Variants in TUSC3 observed in about 807,000 individuals in gnomAD.
TUSC3 encodes the protein dolichyl-diphosphooligosaccharide--protein glycosyltransferase subunit TUSC3.
A neutral mutation model predicts 44.8 loss-of-function variants in TUSC3; 45 were observed. That is an observed-to-expected ratio of 1.00 (90% confidence interval 0.79 to 1.29). TUSC3 has a LOEUF of 1.29. TUSC3 is among the 50% of genes most tolerant of loss of function. The pLI, the probability that TUSC3 is intolerant of heterozygous loss-of-function variation, is 0.00. For missense variants in TUSC3, 519 were observed against 437.9 expected (o/e 1.19, Z -1.65); for synonymous variants, 212 against 152.9 (o/e 1.39, Z -2.85).
intron 1 of TUSC3, among the ~76,000 whole-genome samples, chr8:15,453,600 C>G (rs1462603221): frequency 6.6e-6 from 1 of 151,956 alleles, no homozygotes; most frequent in Non-Finnish European, 1.5e-5. Context: ...TCAACAAATG[C>G]ATAAATGCAT....
At chr8:15,610,341 T>C (rs375937619) in intron 1 of TUSC3, among the ~76,000 whole-genome samples, 1 of 152,186 alleles carries the variant, frequency 6.6e-6, no homozygotes, top group East Asian at 1.9e-4. Context: ...AACATTAGAA[T>C]TCTTAAAATT....
intron 1 of TUSC3, among the ~76,000 whole-genome samples, chr8:15,570,954 G>GTTTCTTTTTTTTTTTTTTTTTTTTTTT (rs1802850556): frequency 2.2e-5 from 1 of 44,494 alleles, no homozygotes; most frequent in Non-Finnish European, 5.2e-5. Context: ...TTGCCTATTA[G>GTTTCTTTTTTTTTTTTTTTTTTTTTTT]TTTTTTTTTT....
intron 2 of TUSC3, among the ~76,000 whole-genome samples, chr8:15,519,708 A>C (rs1207102803): frequency 6.6e-6 from 1 of 152,176 alleles, no homozygotes; most frequent in Non-Finnish European, 1.5e-5. Context: ...GTCTTCCATG[A>C]AACAAGTCCC....
intron 3 of TUSC3, among the ~76,000 whole-genome samples, chr8:15,655,847 T>C (rs1427708969): frequency 6.6e-6 from 1 of 152,214 alleles, no homozygotes; most frequent in African/African-American, 2.4e-5. Context: ...TGTGTAGCCT[T>C]CCTTCTTCCC....
At chr8:15,445,203 A>G (rs1229073077) in intron 1 of TUSC3, among the ~76,000 whole-genome samples, 1 of 152,224 alleles carries the variant, frequency 6.6e-6, no homozygotes, top group Non-Finnish European at 1.5e-5. Context: ...ATGACTAAGA[A>G]TGACAGCCAA....
At chr8:15,698,452 A>C (rs78345952) in intron 6 of TUSC3, among the ~76,000 whole-genome samples, 2,973 of 152,272 alleles carry the variant, frequency 0.02, 97 homozygotes, top group African/African-American at 0.067. Context: ...TAAATCCTTA[A>C]GTTATAATTT....
chr8:15,652,769 A>G (rs1357490414), intron 3 of TUSC3, among the ~76,000 whole-genome samples: 1 of 152,182 alleles, frequency 6.6e-6, no homozygotes, highest in Non-Finnish European at 1.5e-5. Flanking sequence ...CCTCTCTATC[A>G]TATTGGCAAA....
At chr8:15,578,876 G>A (rs1803214732) in intron 1 of TUSC3, among the ~76,000 whole-genome samples, 1 of 152,022 alleles carries the variant, frequency 6.6e-6, no homozygotes, top group Non-Finnish European at 1.5e-5. Flanking sequence ...GATTGGAATA[G>A]TTTCAGAAGG....
intron 6 of TUSC3, among the ~76,000 whole-genome samples, chr8:15,696,591 A>G (rs1376207967): frequency 6.6e-6 from 1 of 152,170 alleles, no homozygotes; most frequent in Non-Finnish European, 1.5e-5. Context: ...ATACAGTCAC[A>G]GCTTACACTG....
intron 1 of TUSC3, among the ~76,000 whole-genome samples, chr8:15,587,009 A>C (rs1431075629): frequency 6.6e-6 from 1 of 152,230 alleles, no homozygotes; most frequent in Non-Finnish European, 1.5e-5. Context: ...TTTGAAAACC[A>C]CTGCTTTTCT....
chr8:15,555,484 G>T (rs1329215532), intron 1 of TUSC3, among the ~76,000 whole-genome samples: 1 of 150,532 alleles, frequency 6.6e-6, no homozygotes, highest in East Asian at 2.0e-4. Context: ...TTGTAGAGAC[G>T]AAGTCTCCCT....
At chr8:15,804,007 C>T in the TUSC3 span, among the ~76,000 whole-genome samples, 1 of 152,160 alleles carries the variant, frequency 6.6e-6, no homozygotes, top group African/African-American at 2.4e-5. Context: ...CTGCAATAAA[C>T]ATACGTGTGC....
At chr8:15,581,365 C>G (rs1377224606) in intron 1 of TUSC3, among the ~76,000 whole-genome samples, 5 of 150,274 alleles carry the variant, frequency 3.3e-5, no homozygotes, top group South Asian at 4.2e-4. Flanking sequence ...TGGTGAGGAA[C>G]TGCGTTCCTT....
chr8:15,665,860 A>C (rs1432547415), intron 5 of TUSC3, among the ~76,000 whole-genome samples: 1 of 151,318 alleles, frequency 6.6e-6, no homozygotes, highest in Admixed American at 6.6e-5. Flanking sequence ...GTTAACTACT[A>C]TTTATAGATA....
At chr8:15,439,800 C>T (rs1488121247) in intron 1 of TUSC3, among the ~76,000 whole-genome samples, 1 of 152,166 alleles carries the variant, frequency 6.6e-6, no homozygotes, top group South Asian at 2.1e-4. Flanking sequence ...TTATTCATTT[C>T]TGCCTTGCAC....
the TUSC3 span, among the ~76,000 whole-genome samples, chr8:15,808,299 T>A: frequency 9.3e-3 from 1,421 of 152,218 alleles, 17 homozygotes; most frequent in African/African-American, 0.032. Context: ...CTAAATGTTA[T>A]TTTAATATAT....
chr8:15,849,300 T>G, the TUSC3 span, among the ~76,000 whole-genome samples: 1 of 152,198 alleles, frequency 6.6e-6, no homozygotes, highest in Non-Finnish European at 1.5e-5. Flanking sequence ...TTATGTCATT[T>G]TATACCTAAA....
At chr8:15,753,140 C>G (rs1403754720) in intron 9 of TUSC3, among the ~76,000 whole-genome samples, 1 of 151,992 alleles carries the variant, frequency 6.6e-6, no homozygotes, top group Non-Finnish European at 1.5e-5. Flanking sequence ...ATGTTCTCTT[C>G]ATGTATCCTC....
the TUSC3 span, among the ~76,000 whole-genome samples, chr8:15,851,907 C>G: frequency 6.6e-6 from 1 of 152,042 alleles, no homozygotes; most frequent in African/African-American, 2.4e-5. Flanking sequence ...ATACTGTTCT[C>G]GTGGTAGTGG....
Sources: allele counts gnomAD v4.1 joint callset (sites outside exome capture counted in the v4.1 genomes callset), GRCh38; gene constraint gnomAD v4.1.1; transcripts MANE v1.5; gene names NCBI Gene and HGNC (gene_info 2026-07-23, HGNC 2026-07-21).